LRP1B: variants seen among roughly 807,000 people sequenced by gnomAD.
LRP1B encodes the protein LDL receptor related protein 1B.
LRP1B carries 217 observed loss-of-function variants against 556.6 expected under a neutral mutation model. The ratio of observed to expected loss-of-function variants is 0.39; its 90% CI spans 0.35 to 0.44. The LOEUF (loss-of-function observed/expected upper bound fraction) is 0.44, where lower values mean the gene tolerates loss of function less well. Among genes scored for constraint, LRP1B ranks in the 20% least tolerant of loss-of-function variants. The pLI, the probability that LRP1B is intolerant of heterozygous loss-of-function variation, is 1.00. For synonymous variants in LRP1B, 2,047 were observed against 1,865.8 expected (o/e 1.10, Z -2.50); for missense variants, 5,053 against 5,620.8 (o/e 0.90, Z 3.23).
chr2:140,350,187 G>T (rs1681892727), intron 77 of LRP1B, among the ~76,000 whole-genome samples: 1 of 151,946 alleles, frequency 6.6e-6, no homozygotes, highest in Admixed American at 6.6e-5. Flanking sequence ...AAAACAAAAA[G>T]GGATAATCTA....
chr2:141,708,759 G>A (rs976593513), intron 2 of LRP1B, among the ~76,000 whole-genome samples: 1 of 152,060 alleles, frequency 6.6e-6, no homozygotes, highest in Admixed American at 6.6e-5. Flanking sequence ...CCTTTAGGGT[G>A]GGCTCTAATC....
At chr2:141,456,296 C>T (rs928067897) in intron 3 of LRP1B, among the ~76,000 whole-genome samples, 5 of 152,128 alleles carry the variant, frequency 3.3e-5, no homozygotes, top group African/African-American at 1.2e-4. Flanking sequence ...GTTTTTCCAC[C>T]AACAGTGTAA....
chr2:141,601,011 C>T (rs1687714311), intron 2 of LRP1B, among the ~76,000 whole-genome samples: 1 of 152,148 alleles, frequency 6.6e-6, no homozygotes, highest in African/African-American at 2.4e-5. Flanking sequence ...TATATCTATA[C>T]CGGCACTTGG....
At chr2:140,639,335 T>G (rs1684190332) in intron 41 of LRP1B, among the ~76,000 whole-genome samples, 1 of 152,352 alleles carries the variant, frequency 6.6e-6, no homozygotes, top group African/African-American at 2.4e-5. Context: ...TTGAACATTC[T>G]TGAGACACTA....
intron 66 of LRP1B, among the ~76,000 whole-genome samples, chr2:140,411,910 T>A (rs1392909717): frequency 6.6e-6 from 1 of 152,142 alleles, no homozygotes; most frequent in African/African-American, 2.4e-5. Context: ...TGTAAATTAA[T>A]TAAAAGCTAT....
intron 3 of LRP1B, among the ~76,000 whole-genome samples, chr2:141,469,428 A>G (rs983739363): frequency 7.2e-5 from 11 of 152,204 alleles, no homozygotes; most frequent in African/African-American, 2.6e-4. Context: ...AAGGCAGCTT[A>G]TTTCTTAGTT....
intron 2 of LRP1B, among the ~76,000 whole-genome samples, chr2:141,623,814 A>G (rs1688594283): frequency 6.6e-6 from 1 of 151,940 alleles, no homozygotes; most frequent in African/African-American, 2.4e-5. Flanking sequence ...CAGGAGTTTG[A>G]GACCAGCCTG....
At chr2:140,859,369 A>T (rs543836675) in intron 27 of LRP1B, among the ~76,000 whole-genome samples, 147 of 152,286 alleles carry the variant, frequency 9.7e-4, no homozygotes, top group African/African-American at 3.3e-3. Flanking sequence ...GGAGTGAATT[A>T]GTGAGGGAGT....
Position 141,735,274 on chromosome 2 carries a change from A to G in LRP1B, c.205+75005T>C, listed in dbSNP as rs139505840. ...AAGAAGGGGTGTGGAAAGGAAATATAGATGGCATGGCATAAGAGATGAATA... is the reference window on the plus strand; with the variant it reads ...AAGAAGGGGTGTGGAAAGGAAATATGGATGGCATGGCATAAGAGATGAATA... On this transcript the variant is annotated intron_variant, in intron 2 of 90. Transcript: ENST00000389484. 3.3e-3 allele frequency among the ~76,000 whole-genome samples: 498 copies of G among 151,962 alleles called. 2 individuals are homozygous for G. Among genetic ancestry groups the G allele is most frequent in the African/African-American group, 0.011 (457 of 41,452 alleles).
chr2:140,745,435 A>C (rs191447568), intron 35 of LRP1B, among the ~76,000 whole-genome samples: 42 of 152,314 alleles, frequency 2.8e-4, no homozygotes, highest in Admixed American at 2.6e-3. Context: ...GCAACATTTT[A>C]ATCTTTTAAA....
In LRP1B at chr2:140,902,953, G is replaced by T. The variant is rs745396710; in HGVS notation, c.3733C>A (p.Leu1245Met). The T allele has an allele frequency of 6.2e-7, 1 of 1,613,592 alleles. No individual in the cohort carries two copies. ...VKCSCYEGWK[L>M]DVDGESCTSV... ...GTACAACTTTCACCGTCTACATCCA[G>T]CTTCCAACCTTCATAACATGAGCAC... The change falls in exon 23 of 91, where the codon CTG becomes ATG. Residue 1245 changes from leucine to methionine, a missense_variant. This residue lies in a region of LRP1B where 3,619 missense variants were observed against 3,931.9 expected (regional missense o/e 0.92). Transcript: ENST00000389484.
chr2:141,928,227 A>T (rs554282798), intron 1 of LRP1B, among the ~76,000 whole-genome samples: 1 of 152,296 alleles, frequency 6.6e-6, no homozygotes, highest in Admixed American at 6.5e-5. Flanking sequence ...TATTTAAAGG[A>T]TTTCATATGC....
chr2:140,707,525 C>G (rs1469273330), intron 37 of LRP1B, among the ~76,000 whole-genome samples: 1 of 152,102 alleles, frequency 6.6e-6, no homozygotes, highest in Non-Finnish European at 1.5e-5. Context: ...AGCAGATGCA[C>G]TAGAATCACT....
intron 83 of LRP1B, among the ~76,000 whole-genome samples, chr2:140,312,950 C>A (rs1341076790): frequency 2.0e-5 from 3 of 152,014 alleles, no homozygotes; most frequent in Non-Finnish European, 1.5e-5. Context: ...CTGCCCCAAA[C>A]CCTAGTTATA....
At chr2:141,119,491 C>T (rs1412909973) in intron 7 of LRP1B, among the ~76,000 whole-genome samples, 3 of 151,696 alleles carry the variant, frequency 2.0e-5, no homozygotes, top group African/African-American at 7.3e-5. Context: ...ATTTCACACT[C>T]ACTTGGGATA....
chr2:140,507,734 T>C (rs1689480227), intron 52 of LRP1B, among the ~76,000 whole-genome samples: 7 of 152,290 alleles, frequency 4.6e-5, no homozygotes, highest in Admixed American at 4.6e-4. Flanking sequence ...ATTTAAAAGG[T>C]AAATGCCATG....
intron 2 of LRP1B, among the ~76,000 whole-genome samples, chr2:141,763,628 T>A (rs1176886953): frequency 6.6e-6 from 1 of 152,172 alleles, no homozygotes; most frequent in Non-Finnish European, 1.5e-5. Flanking sequence ...CAGTATGGTG[T>A]ACAATTTTAT....
At chr2:141,483,914 G>C in intron 2 of LRP1B, among the ~76,000 whole-genome samples, 1 of 150,654 alleles carries the variant, frequency 6.6e-6, no homozygotes, top group Admixed American at 6.6e-5. Context: ...TCTGTAGGTT[G>C]CCTGTTCACT....
At chr2:140,239,995 G>T (rs1174377546) in intron 87 of LRP1B, among the ~76,000 whole-genome samples, 2 of 150,844 alleles carry the variant, frequency 1.3e-5, no homozygotes, top group African/African-American at 4.8e-5. Context: ...TGGCAGCCTG[G>T]TGAAACAAAA....
Sources: allele counts gnomAD v4.1 joint callset (sites outside exome capture counted in the v4.1 genomes callset), GRCh38; gene constraint gnomAD v4.1.1; regional missense constraint gnomAD v4.1.1; transcripts MANE v1.5; gene names NCBI Gene and HGNC (gene_info 2026-07-23, HGNC 2026-07-21).